The following PTPRG variants were observed in gnomAD, a reference collection of about 807,000 sequenced individuals.
The protein encoded by PTPRG is protein tyrosine phosphatase receptor type G, also known as receptor-type tyrosine-protein phosphatase gamma.
In PTPRG, 102 loss-of-function variants were observed where a neutral mutation model predicts 165.3. The ratio of observed to expected loss-of-function variants is 0.62; its 90% CI spans 0.53 to 0.73. PTPRG has a LOEUF of 0.73. Ranked by LOEUF, PTPRG falls within the 30% of genes least tolerant of loss-of-function variation. The pLI is 0.00. For synonymous variants in PTPRG, 675 were observed against 669.5 expected (o/e 1.01, Z -0.13); for missense variants, 1,866 against 1,861.4 (o/e 1.00, Z -0.05).
chr3:62,150,621 C>T (rs948534047), intron 6 of PTPRG, among the ~76,000 whole-genome samples: 2 of 152,312 alleles, frequency 1.3e-5, no homozygotes, highest in African/African-American at 2.4e-5. Context: ...AGAGGCTAGC[C>T]CTGCCCCAGT....
At chr3:62,034,760 A>C (rs1410226131) in intron 4 of PTPRG, among the ~76,000 whole-genome samples, 1 of 152,206 alleles carries the variant, frequency 6.6e-6, no homozygotes, top group Non-Finnish European at 1.5e-5. Context: ...TGAATGATTA[A>C]AAAATAAATA....
chr3:62,231,337 G>C, intron 14 of PTPRG, 26 bp downstream of exon 14: 1 of 1,526,814 alleles, frequency 6.5e-7, no homozygotes, highest in Non-Finnish European at 8.8e-7. Context: ...GCTTAAGTGG[G>C]GGGCGTCTTG....
chr3:62,167,419 G>A (rs1037920565), intron 7 of PTPRG, among the ~76,000 whole-genome samples: 7 of 152,174 alleles, frequency 4.6e-5, no homozygotes, highest in Non-Finnish European at 1.0e-4. Context: ...ACTGTTTTAA[G>A]CACTGTACTT....
intron 7 of PTPRG, among the ~76,000 whole-genome samples, chr3:62,164,988 C>T (rs1228247884): frequency 6.6e-6 from 1 of 152,190 alleles, no homozygotes; most frequent in African/African-American, 2.4e-5. Flanking sequence ...TGTATGGCAG[C>T]CCAGTCCATT....
At chr3:61,808,598 T>C (rs1416334183) in intron 2 of PTPRG, among the ~76,000 whole-genome samples, 3 of 152,176 alleles carry the variant, frequency 2.0e-5, no homozygotes, top group South Asian at 2.1e-4. Context: ...CATTTAATTA[T>C]GTAGGACACA....
At chr3:61,784,766 A>T (rs1371694202) in intron 2 of PTPRG, among the ~76,000 whole-genome samples, 1 of 152,194 alleles carries the variant, frequency 6.6e-6, no homozygotes, top group East Asian at 1.9e-4. Flanking sequence ...ATGAATTACA[A>T]TTCTTTTAAA....
chr3:62,016,321 T>C (rs1330813796), intron 4 of PTPRG, among the ~76,000 whole-genome samples: 1 of 152,080 alleles, frequency 6.6e-6, no homozygotes, highest in East Asian at 1.9e-4. Context: ...GTGCTTCTAC[T>C]ATGCCCAGCG....
intron 1 of PTPRG, among the ~76,000 whole-genome samples, chr3:61,644,349 A>G (rs1047002140): frequency 6.6e-6 from 1 of 152,156 alleles, no homozygotes; most frequent in Non-Finnish European, 1.5e-5. Context: ...CCGTTTTCCA[A>G]AGAGGGGGTG....
Position 61,808,100 on chromosome 3 carries a change from A to T in PTPRG, c.190+59118A>T, listed in dbSNP as rs138958689. On this transcript the variant is annotated intron_variant, in intron 2 of 29. Coordinates refer to ENST00000474889, the MANE Select transcript of PTPRG (RefSeq NM_002841.4). Reference sequence around the variant, plus strand: ...GATATTGTTATACAAACAAAACTCAATAGGCATTACTGAAATCCAGAGAGT... The same window carrying T: ...GATATTGTTATACAAACAAAACTCATTAGGCATTACTGAAATCCAGAGAGT... Among the ~76,000 whole-genome samples, 30 of 152,346 alleles carry T rather than the reference A, an allele frequency of 2.0e-4. No individual in the cohort carries two copies. The East Asian group carries it at 5.4e-3, about 27-fold the overall frequency.
At position 61,589,471 on chromosome 3, in the gene PTPRG, T is replaced by C. The variant is rs192402890; in HGVS notation, c.85+27099T>C. 3.4e-3 allele frequency among the ~76,000 whole-genome samples: 515 copies of C among 152,334 alleles called. 4 individuals carry two copies. The highest frequency in any genetic ancestry group is 0.012 in the African/African-American group (500 of 41,570). ...TGCTTCTAAGATACTGTCTCTGCCA[T>C]AGAAGTGAGAAAACTTTGAGGCTCA... On this transcript the variant is annotated intron_variant, in intron 1 of 29. Transcript: ENST00000474889.
Position 62,296,733 on chromosome 3 carries a change from T to C in PTPRG, c.*3426T>C, listed in dbSNP as rs1391794413. On this transcript the variant is annotated 3_prime_UTR_variant, in exon 30 of 30. Coordinates refer to ENST00000474889, the MANE Select transcript of PTPRG (RefSeq NM_002841.4). ...GTCATTTAACATACAATACTGGCTT[T>C]ACTTATCTCTAGAAAGAAGAAGGCA... is the stretch of plus-strand genomic sequence containing the variant. 6.6e-6 allele frequency: 1 copy of C among 151,962 alleles called. No individual in the cohort carries two copies. Among genetic ancestry groups the C allele is most frequent in the Admixed American group, 6.6e-5 (1 of 15,238 alleles). The allele number at this position is 151,962 out of a possible 1,614,324, so 9.4% of individuals were successfully genotyped here.
intron 2 of PTPRG, among the ~76,000 whole-genome samples, chr3:61,975,664 CTTT>C (rs3069594): frequency 2.7e-5 from 4 of 149,502 alleles, no homozygotes; most frequent in South Asian, 2.1e-4. Flanking sequence ...CTGAAGAATA[CTTT>C]TTTTTTTTTA....
At chr3:61,601,121 T>A (rs1420330241) in intron 1 of PTPRG, among the ~76,000 whole-genome samples, 1 of 152,150 alleles carries the variant, frequency 6.6e-6, no homozygotes, top group Non-Finnish European at 1.5e-5. Context: ...CCAGACGTGA[T>A]GGCACACGCC....
intron 4 of PTPRG, among the ~76,000 whole-genome samples, chr3:62,033,848 A>G (rs1388427647): frequency 6.6e-6 from 1 of 152,028 alleles, no homozygotes; most frequent in Non-Finnish European, 1.5e-5. Flanking sequence ...GCTCACTGCA[A>G]CCTCTGCCTC....
At chr3:61,683,767 TGAGGCTACAGTTTG>T (rs1486556329) in intron 1 of PTPRG, among the ~76,000 whole-genome samples, 7 of 152,248 alleles carry the variant, frequency 4.6e-5, no homozygotes, top group African/African-American at 1.7e-4. Flanking sequence ...GTGAAAGACT[TGAGGCTACAGTTTG>T]GCATCAGCAG....
intron 2 of PTPRG, among the ~76,000 whole-genome samples, chr3:61,912,106 A>G (rs1323641178): frequency 2.0e-5 from 3 of 152,022 alleles, no homozygotes; most frequent in African/African-American, 4.8e-5. Flanking sequence ...GCTGCCTTCT[A>G]TTTTTATGAA....
chr3:61,886,589 C>G (rs1278592310), intron 2 of PTPRG, among the ~76,000 whole-genome samples: 1 of 152,058 alleles, frequency 6.6e-6, no homozygotes, highest in Non-Finnish European at 1.5e-5. Flanking sequence ...CTGTTAGGAT[C>G]TGCAGAAGTC....
At chr3:62,133,480 A>G (rs1013579176) in intron 6 of PTPRG, among the ~76,000 whole-genome samples, 3 of 152,232 alleles carry the variant, frequency 2.0e-5, no homozygotes, top group South Asian at 2.1e-4. Flanking sequence ...GTCTTTAGAC[A>G]TTAGCCAACT....
At chr3:62,226,508 A>G (rs1700767467) in intron 13 of PTPRG, among the ~76,000 whole-genome samples, 1 of 152,334 alleles carries the variant, frequency 6.6e-6, no homozygotes, top group South Asian at 2.1e-4. Context: ...AATATAACCT[A>G]TTTGGTCTTA....
Sources: gnomAD v4.1 joint callset for allele counts (sites outside exome capture counted in the v4.1 genomes callset) on GRCh38, gnomAD v4.1.1 for gene constraint, MANE v1.5 for transcripts, NCBI Gene and HGNC (gene_info 2026-07-23, HGNC 2026-07-21) for gene names.